The following DMBT1 variants were observed in gnomAD, a reference collection of about 807,000 sequenced individuals.
The protein encoded by DMBT1 is scavenger receptor cysteine-rich domain-containing protein DMBT1.
In DMBT1, 198 loss-of-function variants were observed where a neutral mutation model predicts 252.9. The ratio of observed to expected loss-of-function variants is 0.78; its 90% CI spans 0.70 to 0.88. DMBT1 has a LOEUF of 0.88. DMBT1 is among the 40% of genes least tolerant of loss of function. The pLI, the probability that DMBT1 is intolerant of heterozygous loss-of-function variation, is 0.00. For synonymous variants in DMBT1, 990 were observed against 942.7 expected (o/e 1.05, Z -0.92); for missense variants, 2,432 against 2,404.7 (o/e 1.01, Z -0.24).
intron 1 of DMBT1, among the ~76,000 whole-genome samples, chr10:122,563,021 G>A (rs964348209): frequency 1.3e-5 from 2 of 152,242 alleles, no homozygotes; most frequent in African/African-American, 4.8e-5. Context: ...GGGAACTGAG[G>A]TGATGAACTG....
In DMBT1 at chr10:122,618,050, A is replaced by T. The variant is rs752845588; in HGVS notation, c.4925A>T (p.Asn1642Ile). 5.0e-6 allele frequency: 8 copies of T among 1,613,234 alleles called. No individual in the cohort carries two copies. The highest frequency in any genetic ancestry group is 6.8e-6 in the Non-Finnish European group (8 of 1,179,776). Residue 1642 changes from asparagine (N) to isoleucine (I), a missense_variant, in exon 41 of 56, where the codon AAT becomes ATT. Physicochemically the swap from Asn to Ile is moderately radical, Grantham distance 149 (BLOSUM62 -3). Coordinates refer to ENST00000338354, the MANE Select transcript of DMBT1 (RefSeq NM_001377530.1). ...SESTLALRLV[N>I]GGDRCRGRVE... ...TCCACTTTGGCCCTGAGACTGGTGA[A>T]TGGAGGTGACAGGTGTCGAGGCCGA...
intron 39 of DMBT1, 80 bp from the exon 40 acceptor site, chr10:122,617,148 C>T: frequency 1.4e-6 from 2 of 1,466,082 alleles, no homozygotes; most frequent in Non-Finnish European, 1.9e-6. Context: ...CAGGTTGATT[C>T]CCCCTCCCAG....
Position 122,590,677 on chromosome 10 carries a change from G to A in DMBT1, c.2120G>A (p.Arg707Gln), listed in dbSNP as rs756799534. 3.6e-5 allele frequency: 57 copies of A among 1,587,632 alleles called. 2 individuals are homozygous for A. The Admixed American group carries it at 3.7e-4, about 10-fold the overall frequency. The change falls in exon 18 of 56, where the codon CGG becomes CAG. Residue 707 changes from arginine to glutamine, a missense_variant. Arg to Gln is a conservative substitution (Grantham distance 43). Around this residue, in one of 3 missense-constraint regions of DMBT1, gnomAD observed 1,264 missense variants for 1,082.2 expected, o/e 1.17. Transcript: ENST00000338354. ...AGVICSAAQSRSTPRPDTLST... is the reference protein window; with the variant it reads ...AGVICSAAQSQSTPRPDTLST... ...CTCTTTCTCACAGCTGCCCAGTCCCGGTCGACGCCCAGGCCAGGTGAGTCC... is the reference window on the plus strand; with the variant it reads ...CTCTTTCTCACAGCTGCCCAGTCCCAGTCGACGCCCAGGCCAGGTGAGTCC...
At chr10:122,590,759 T>A in intron 18 of DMBT1, 65 bp downstream of exon 18, 1 of 1,544,028 alleles carries the variant, frequency 6.5e-7, no homozygotes, top group South Asian at 1.2e-5. Context: ...CTTTTTCCCA[T>A]TCCACAGAGC....
At position 122,576,620 on chromosome 10, in the gene DMBT1, G is replaced by A; in HGVS notation, c.505G>A (p.Val169Met). 1.2e-6 allele frequency: 2 copies of A among 1,613,880 alleles called. No homozygotes were observed. Among genetic ancestry groups the A allele is most frequent in the Non-Finnish European group, 1.7e-6 (2 of 1,179,782 alleles). The stretch of plus-strand genomic sequence containing the variant: ...CTCAGGACCCATTGCCCTGGATGAT[G>A]TGCGCTGCTCAGGACACGAATCCTA... ...QGSGPIALDD[V>M]RCSGHESYLW... The change falls in exon 7 of 56, where the codon GTG (valine) becomes ATG (methionine). Residue 169 changes from valine (V) to methionine (M), a missense_variant. This residue lies in a region of DMBT1 where 1,264 missense variants were observed against 1,082.2 expected (regional missense o/e 1.17). Coordinates refer to ENST00000338354, the MANE Select transcript of DMBT1 (RefSeq NM_001377530.1).
intron 1 of DMBT1, among the ~76,000 whole-genome samples, chr10:122,565,267 A>G (rs1389076696): frequency 6.6e-6 from 1 of 152,242 alleles, no homozygotes; most frequent in Non-Finnish European, 1.5e-5. Flanking sequence ...TTATAAAAGG[A>G]TCTAATGGAT....
At position 122,643,441 on chromosome 10, in the gene DMBT1, C is replaced by G. The variant is rs1229601015; in HGVS notation, c.*43C>G. 6.4e-7 allele frequency: 1 copy of G among 1,569,852 alleles called. No individual in the cohort carries two copies. Among genetic ancestry groups the G allele is most frequent in the Admixed American group, 1.8e-5 (1 of 54,254 alleles). On this transcript the variant is annotated 3_prime_UTR_variant, in exon 56 of 56. Coordinates refer to ENST00000338354, the MANE Select transcript of DMBT1 (RefSeq NM_001377530.1). ...CCACTGTCCACCGGGGCGCAGACCC[C>G]TGACTCGGGGACTTGGGATGTTCCT...
chr10:122,562,373 C>CTT, intron 1 of DMBT1, among the ~76,000 whole-genome samples: 1 of 147,238 alleles, frequency 6.8e-6, no homozygotes, highest in South Asian at 2.2e-4. Flanking sequence ...AAAGCAGCAC[C>CTT]CCCAAACCCA....
intron 40 of DMBT1, 140 bp downstream of exon 40, chr10:122,617,400 A>T (rs1312049116): frequency 9.1e-7 from 1 of 1,093,498 alleles, no homozygotes; most frequent in African/African-American, 1.6e-5. Flanking sequence ...TGGAGTTTCT[A>T]GGGAGTCAGC....
chr10:122,565,884 C>A, intron 1 of DMBT1, 83 bp from the exon 2 acceptor site: 1 of 1,369,030 alleles, frequency 7.3e-7, no homozygotes. Flanking sequence ...TGTGATTGTA[C>A]GGTGAAGCTA....
At chr10:122,632,267 C>T (rs541004048) in intron 50 of DMBT1, among the ~76,000 whole-genome samples, 1 of 151,962 alleles carries the variant, frequency 6.6e-6, no homozygotes, top group Non-Finnish European at 1.5e-5. Flanking sequence ...CCCACTGCCC[C>T]GCCCCCTGCT....
chr10:122,587,318 C>G (rs191110990), intron 16 of DMBT1, among the ~76,000 whole-genome samples: 1 of 148,404 alleles, frequency 6.7e-6, no homozygotes, highest in South Asian at 2.3e-4. Flanking sequence ...AGGCATCAGA[C>G]CGGAAACACA....
chr10:122,627,139 TG>T (rs2098124499), intron 46 of DMBT1, among the ~76,000 whole-genome samples: 1 of 152,242 alleles, frequency 6.6e-6, no homozygotes, highest in Non-Finnish European at 1.5e-5. Flanking sequence ...CAAAAGATCA[TG>T]TTTATCTTTT....
At chr10:122,617,601 G>T (rs1444004460) in intron 40 of DMBT1, among the ~76,000 whole-genome samples, 1 of 151,600 alleles carries the variant, frequency 6.6e-6, no homozygotes. Flanking sequence ...GAAAATTTCT[G>T]TCCCTGCAGC....
intron 52 of DMBT1, among the ~76,000 whole-genome samples, chr10:122,634,440 C>G (rs1211703030): frequency 1.8e-4 from 10 of 54,788 alleles, no homozygotes; most frequent in African/African-American, 8.9e-4. Flanking sequence ...TTCTCTCTCT[C>G]TCTCTCTCTC....
At chr10:122,628,917 G>A (rs947539126) in intron 46 of DMBT1, among the ~76,000 whole-genome samples, 2 of 152,018 alleles carry the variant, frequency 1.3e-5, no homozygotes, top group African/African-American at 4.8e-5. Flanking sequence ...TGATTTCAGA[G>A]CTCTCAGTAT....
chr10:122,592,324 G>T lies in DMBT1; in HGVS notation c.2229G>T (p.Gln743His). 2 of 1,587,944 alleles carry T rather than the reference G, an allele frequency of 1.3e-6. No individual in the cohort carries two copies. Among genetic ancestry groups the T allele is most frequent in the Non-Finnish European group, 1.7e-6 (2 of 1,165,718 alleles). ...TGGTGAATGGAAGTGACAGGTGTCAGGGCCGAGTAGAGGTCCTATACCGAG... is the reference window on the plus strand; with the variant it reads ...TGGTGAATGGAAGTGACAGGTGTCATGGCCGAGTAGAGGTCCTATACCGAG... ...LRLVNGSDRC[Q>H]GRVEVLYRGS... The change falls in exon 20 of 56, where the codon CAG (glutamine) becomes CAT (histidine). Residue 743 changes from glutamine (Q) to histidine (H), a missense_variant. Physicochemically the swap from Gln to His is conservative, Grantham distance 24 (BLOSUM62 0). This residue lies in a region of DMBT1 where 1,264 missense variants were observed against 1,082.2 expected (regional missense o/e 1.17). Coordinates refer to ENST00000338354, the MANE Select transcript of DMBT1 (RefSeq NM_001377530.1).
intron 40 of DMBT1, among the ~76,000 whole-genome samples, chr10:122,617,741 G>T (rs1018270600): frequency 2.0e-5 from 3 of 151,626 alleles, no homozygotes; most frequent in African/African-American, 4.9e-5. Flanking sequence ...TCCATCCTGT[G>T]TGTGCCCAGA....
rs1202953500 is a variant in DMBT1, at chr10:122,576,668, G to A, written c.553G>A (p.Gly185Ser). The change falls in exon 7 of 56, where the codon GGC becomes AGC. Residue 185 changes from glycine to serine, a missense_variant. By Grantham distance (56) the Gly-to-Ser change is moderately conservative (BLOSUM62 0). Coordinates refer to ENST00000338354, the MANE Select transcript of DMBT1 (RefSeq NM_001377530.1). ...ESYLWSCPHN[G>S]WLSHNCGHGE... ...CTACCTGTGGAGCTGCCCCCACAAT[G>A]GCTGGCTCTCCCATAACTGTGGCCA... 1.2e-6 allele frequency: 2 copies of A among 1,613,668 alleles called. No individual in the cohort carries two copies. The highest frequency in any genetic ancestry group is 8.5e-7 in the Non-Finnish European group (1 of 1,179,742).
Sources: allele counts gnomAD v4.1 joint callset (sites outside exome capture counted in the v4.1 genomes callset), GRCh38; gene constraint gnomAD v4.1.1; regional missense constraint gnomAD v4.1.1; transcripts MANE v1.5; gene names NCBI Gene and HGNC (gene_info 2026-07-23, HGNC 2026-07-21).